The following HPGDS variants were observed in gnomAD, a reference collection of about 807,000 sequenced individuals.
The protein encoded by HPGDS is hematopoietic prostaglandin D synthase.
A neutral mutation model predicts 23.1 loss-of-function variants in HPGDS; 26 were observed. That is an observed-to-expected ratio of 1.13 (90% CI 0.83 to 1.56). HPGDS has a LOEUF of 1.56. Ranked by LOEUF, HPGDS falls within the 40% of genes most tolerant of loss-of-function variation. The pLI is 0.00. For synonymous variants in HPGDS, 95 were observed against 77.9 expected, an observed-to-expected ratio of 1.22 and a Z score of -1.16; for missense variants, 268 against 236.4, an observed-to-expected ratio of 1.13 and a Z score of -0.88.
chr4:94,308,890 C>G (rs1756196404), intron 3 of HPGDS, 147 bp from the exon 4 acceptor site: 1 of 477,496 alleles, frequency 2.1e-6, no homozygotes. Flanking sequence ...CCACATTTTG[C>G]TCCCTTACCT....
intron 2 of HPGDS, among the ~76,000 whole-genome samples, chr4:94,325,724 A>AC (rs1288928655): frequency 6.6e-6 from 1 of 151,680 alleles, no homozygotes; most frequent in Admixed American, 6.6e-5. Context: ...AAATCCCTCA[A>AC]CCCCCTGTGC....
chr4:94,340,305 CTTTCTCTTTTTTTTTT>C (rs1721120910), intron 1 of HPGDS, among the ~76,000 whole-genome samples: 3 of 26,194 alleles, frequency 1.1e-4, no homozygotes, highest in African/African-American at 4.4e-4. Context: ...TTCTTTCTTT[CTTTCTCTTTTTTTTTT>C]TTTTTTTTTT....
Position 94,340,311 on chromosome 4 carries a change from C to CTTTCTTTCTTTCTTTTTCTTTTCTTT in HPGDS, c.-10+2483_-10+2484insAAAGAAAAGAAAAAGAAAGAAAGAAA. ...TTTCTTTCTTTCTTTCTTTCTTTCTCTTTTTTTTTTTTTTTTTTTTTTTTT... is the reference window on the plus strand; with the variant it reads ...TTTCTTTCTTTCTTTCTTTCTTTCTCTTTCTTTCTTTCTTTTTCTTTTCTTTTTTTTTTTTTTTTTTTTTTTTTTTT... On this transcript the variant is annotated intron_variant, in intron 1 of 5. Transcript: ENST00000295256. Among the ~76,000 whole-genome samples, 3 of 23,686 alleles carry CTTTCTTTCTTTCTTTTTCTTTTCTTT rather than the reference C, an allele frequency of 1.3e-4. 1 individual carries two copies. Among genetic ancestry groups the CTTTCTTTCTTTCTTTTTCTTTTCTTT allele is most frequent in the East Asian group, 1.4e-3 (1 of 726 alleles). The allele number at this position is 23,686 out of a possible 152,430, so 15.5% of individuals were successfully genotyped here. A position where few individuals can be genotyped will look rare whatever the true frequency, so the allele number is the denominator to read the frequency against.
intron 2 of HPGDS, among the ~76,000 whole-genome samples, chr4:94,332,535 G>A (rs1579447607): frequency 6.6e-6 from 1 of 152,200 alleles, no homozygotes; most frequent in South Asian, 2.1e-4. Flanking sequence ...CCCAACCTGG[G>A]TGCTGCTGCA....
At chr4:94,314,699 T>A (rs1280366268) in intron 3 of HPGDS, among the ~76,000 whole-genome samples, 2 of 152,178 alleles carry the variant, frequency 1.3e-5, no homozygotes, top group African/African-American at 4.8e-5. Flanking sequence ...TGCAGAGGTT[T>A]CTGCTGCCTT....
intron 5 of HPGDS, 71 bp downstream of exon 5, chr4:94,302,075 G>T: frequency 1.7e-6 from 2 of 1,143,930 alleles, no homozygotes; most frequent in East Asian, 2.5e-5. Flanking sequence ...CTTTTTTTCA[G>T]TAAGTTTTTA....
At chr4:94,324,527 C>A (rs1271826090) in intron 2 of HPGDS, among the ~76,000 whole-genome samples, 1 of 152,042 alleles carries the variant, frequency 6.6e-6, no homozygotes, top group Non-Finnish European at 1.5e-5. Flanking sequence ...ATCACTGATA[C>A]CCTTTCTTCC....
chr4:94,315,240 G>A (rs963205803), intron 3 of HPGDS, among the ~76,000 whole-genome samples: 4 of 152,258 alleles, frequency 2.6e-5, no homozygotes, highest in Non-Finnish European at 5.9e-5. Flanking sequence ...CTCACGCTTC[G>A]AGCTGTAGAC....
chr4:94,341,743 A>C (rs1721178457), intron 1 of HPGDS, among the ~76,000 whole-genome samples: 1 of 152,212 alleles, frequency 6.6e-6, no homozygotes, highest in Non-Finnish European at 1.5e-5. Context: ...TTTGAGTTTA[A>C]GATGCAGATC....
At chr4:94,308,312 G>C (rs11941250) in intron 4 of HPGDS, among the ~76,000 whole-genome samples, 3 of 152,014 alleles carry the variant, frequency 2.0e-5, no homozygotes, top group Non-Finnish European at 4.4e-5. Context: ...TGCTTAACCT[G>C]TACTATCATA....
intron 2 of HPGDS, among the ~76,000 whole-genome samples, chr4:94,326,945 G>C: frequency 6.6e-6 from 1 of 151,984 alleles, no homozygotes; most frequent in Non-Finnish European, 1.5e-5. Flanking sequence ...CAATAATGTA[G>C]TCTTCATATG....
chr4:94,322,083 T>C (rs983817906), intron 2 of HPGDS, among the ~76,000 whole-genome samples: 3 of 152,212 alleles, frequency 2.0e-5, no homozygotes, highest in African/African-American at 7.2e-5. Flanking sequence ...TTTGCATATG[T>C]TGAACGAGCT....
At chr4:94,305,642 G>A (rs900992504) in intron 4 of HPGDS, among the ~76,000 whole-genome samples, 3 of 152,038 alleles carry the variant, frequency 2.0e-5, no homozygotes, top group African/African-American at 7.2e-5. Context: ...TGCTTGCACT[G>A]TGGTATTATA....
intron 1 of HPGDS, among the ~76,000 whole-genome samples, chr4:94,339,823 C>T (rs1721100579): frequency 1.3e-5 from 2 of 152,090 alleles, no homozygotes; most frequent in Non-Finnish European, 2.9e-5. Flanking sequence ...ATAATTGAAT[C>T]ATGGGGGCGG....
chr4:94,308,942 T>C (rs1306590124), intron 3 of HPGDS, among the ~76,000 whole-genome samples, 199 bp from the exon 4 acceptor site: 1 of 151,982 alleles, frequency 6.6e-6, no homozygotes, highest in Admixed American at 6.6e-5. Context: ...TTCTACATTA[T>C]TTCTTTATGA....
intron 2 of HPGDS, among the ~76,000 whole-genome samples, chr4:94,327,176 C>T (rs1448593235): frequency 6.6e-6 from 1 of 151,868 alleles, no homozygotes; most frequent in African/African-American, 2.4e-5. Context: ...GCAGATCCAG[C>T]CCCCCAGACA....
chr4:94,299,573 G>C lies in HPGDS; in HGVS notation c.507C>G (p.Asp169Glu). 2 of 1,614,062 alleles carry C rather than the reference G, an allele frequency of 1.2e-6. No individual in the cohort carries two copies. Among genetic ancestry groups the C allele is most frequent in the South Asian group, 2.2e-5 (2 of 91,076 alleles). Residue 169 changes from aspartate (D) to glutamate (E), a missense_variant, in exon 6 of 6, where the codon GAC becomes GAG. Asp to Glu is a conservative substitution (Grantham distance 45, BLOSUM62 2). Coordinates refer to ENST00000295256, the MANE Select transcript of HPGDS (RefSeq NM_014485.3). ...GTAAAGTCACCAGCCTTGGATGGTT[G>C]TCTAACAGGTCAGGCTTAAAGACCA... ...TLLVFKPDLLDNHPRLVTLRK... is the reference protein window; with the variant it reads ...TLLVFKPDLLENHPRLVTLRK...
chr4:94,312,012 A>G (rs889970612), intron 3 of HPGDS, among the ~76,000 whole-genome samples: 4 of 151,890 alleles, frequency 2.6e-5, no homozygotes, highest in Non-Finnish European at 4.4e-5. Flanking sequence ...TATTGCATCT[A>G]TTTGATTCTT....
chr4:94,325,403 G>C (rs888472507), intron 2 of HPGDS, among the ~76,000 whole-genome samples: 1 of 152,170 alleles, frequency 6.6e-6, no homozygotes, highest in African/African-American at 2.4e-5. Context: ...GTCTACAGAG[G>C]CAGGTAGGCC....
Sources: allele counts gnomAD v4.1 joint callset (sites outside exome capture counted in the v4.1 genomes callset), GRCh38; gene constraint gnomAD v4.1.1; transcripts MANE v1.5; gene names NCBI Gene and HGNC (gene_info 2026-07-23, HGNC 2026-07-21).